The following AP4E1 variants were observed in gnomAD, a reference collection of about 807,000 sequenced individuals.
The protein encoded by AP4E1 is AP-4 complex subunit epsilon-1.
AP4E1 carries 56 observed loss-of-function variants against 128.2 expected under a neutral mutation model. That is an observed-to-expected ratio of 0.44 (90% CI 0.35 to 0.55). The LOEUF is 0.55. AP4E1 is among the 20% of genes least tolerant of loss of function. AP4E1 has a pLI of 0.00. For missense variants in AP4E1, 1,324 were observed against 1,307.7 expected (o/e 1.01, Z -0.19); for synonymous variants, 484 against 473.1 (o/e 1.02, Z -0.30).
intron 14 of AP4E1, among the ~76,000 whole-genome samples, chr15:50,962,991 C>CA (rs763837140): frequency 7.5e-6 from 1 of 132,614 alleles, no homozygotes; most frequent in African/African-American, 2.9e-5. Flanking sequence ...AACAGGTAAA[C>CA]AAAAAAATGC....
In AP4E1 at chr15:51,004,323, G is replaced by A. The variant is rs2064996781; in HGVS notation, c.*1661G>A. ...ATTCTGCTGTGACTCTGACAGAGAG[G>A]AAGTGCCTTCTCACTTTGCAAAGGA... On this transcript the variant is annotated 3_prime_UTR_variant, in exon 21 of 21. Coordinates refer to ENST00000261842, the MANE Select transcript of AP4E1 (RefSeq NM_007347.5). 6.6e-6 allele frequency: 1 copy of A among 152,204 alleles called. No individual in the cohort carries two copies. Among genetic ancestry groups the A allele is most frequent in the African/African-American group, 2.4e-5 (1 of 41,458 alleles). 9.4% of individuals were successfully genotyped at this position (152,204 alleles called of 1,614,324 possible).
chr15:50,987,131 AT>A (rs1388866268), intron 16 of AP4E1, among the ~76,000 whole-genome samples: 1 of 152,058 alleles, frequency 6.6e-6, no homozygotes, highest in East Asian at 1.9e-4. Flanking sequence ...GATAGTTTGT[AT>A]TTCTGTGGGA....
upstream of AP4E1, chr15:50,908,433 G>A (rs2141120249): frequency 9.6e-6 from 2 of 208,116 alleles, no homozygotes; most frequent in East Asian, 2.3e-4. Context: ...AGTGGGAAAG[G>A]GGGACTCTGG....
At chr15:50,963,277 A>AAAGG (rs1305106306) in intron 14 of AP4E1, among the ~76,000 whole-genome samples, 1 of 152,224 alleles carries the variant, frequency 6.6e-6, no homozygotes, top group African/African-American at 2.4e-5. Context: ...TCATTATTTC[A>AAAGG]AAGGTATACC....
Position 50,996,203 on chromosome 15 carries a change from G to T in AP4E1, c.2347-1123G>T, listed in dbSNP as rs369169760. ...AGTAGAGACGGGGTTTCACCATGTT[G>T]GCCAAGCTGGTCTTGAACTCCTGGC... On this transcript the variant is annotated intron_variant, in intron 17 of 20. Transcript: ENST00000261842. 9.2e-5 allele frequency among the ~76,000 whole-genome samples: 13 copies of T among 141,540 alleles called. No individual in the cohort carries two copies. The South Asian group carries it at 1.6e-3, about 18-fold the overall frequency. The allele number at this position is 141,540 out of a possible 152,430, so 92.9% of individuals were successfully genotyped here. A position where few individuals can be genotyped will look rare whatever the true frequency, so the allele number is the denominator to read the frequency against.
At chr15:50,974,724 A>G (rs1285279542) in intron 15 of AP4E1, among the ~76,000 whole-genome samples, 1 of 152,156 alleles carries the variant, frequency 6.6e-6, no homozygotes, top group Non-Finnish European at 1.5e-5. Flanking sequence ...TGACTGGTAC[A>G]AGGTGATGCC....
At chr15:50,988,747 C>A (rs1164844546) in intron 16 of AP4E1, among the ~76,000 whole-genome samples, 3 of 152,074 alleles carry the variant, frequency 2.0e-5, no homozygotes, top group African/African-American at 7.2e-5. Flanking sequence ...TGCTTTCACA[C>A]CGTTGTAAAG....
chr15:50,984,029 T>A lies in AP4E1; in HGVS notation c.1974T>A (p.Asn658Lys). 6.2e-7 allele frequency: 1 copy of A among 1,612,884 alleles called. No individual in the cohort carries two copies. The highest frequency in any genetic ancestry group is 2.2e-5 in the East Asian group (1 of 44,810). The change falls in exon 16 of 21, where the codon AAT (asparagine) becomes AAA (lysine). Residue 658 changes from asparagine (N) to lysine (K), a missense_variant. Physicochemically the swap from Asn to Lys is moderately conservative, Grantham distance 94. Coordinates refer to ENST00000261842, the MANE Select transcript of AP4E1 (RefSeq NM_007347.5). ...ATTATTTTAAAATTCTAGTTCTCAA[T>A]TTTGAACCATATGGACTCTCCTTTT... ...EEKLSQEKVLNFEPYGLSFSS... is the reference protein window; with the variant it reads ...EEKLSQEKVLKFEPYGLSFSS...
chr15:50,960,880 A>C (rs1424006503), intron 14 of AP4E1, among the ~76,000 whole-genome samples: 1 of 152,036 alleles, frequency 6.6e-6, no homozygotes, highest in Non-Finnish European at 1.5e-5. Flanking sequence ...ATAAACTGCT[A>C]GCTACACTAA....
chr15:50,910,847 G>A (rs1415168014), intron 1 of AP4E1, among the ~76,000 whole-genome samples: 1 of 152,184 alleles, frequency 6.6e-6, no homozygotes, highest in Non-Finnish European at 1.5e-5. Flanking sequence ...GTAGAGACAG[G>A]GTTTCGCCAT....
rs2141121083 is a variant in AP4E1 at position 50,908,928 on chromosome 15, C to T, written c.150C>T (p.His50=). The T allele has an allele frequency of 6.2e-7, 1 of 1,610,620 alleles. No homozygotes were observed. Among genetic ancestry groups the T allele is most frequent in the Non-Finnish European group, 8.5e-7 (1 of 1,179,410 alleles). The change falls in exon 1 of 21, where the codon CAC becomes CAT. Residue 50 remains histidine (H), a splice_region_variant and synonymous_variant. Coordinates refer to ENST00000261842, the MANE Select transcript of AP4E1 (RefSeq NM_007347.5). ...VRGITALTSK[H]EEEKLIQQEL... is the part of the protein sequence containing the mutation. ...GCATCACAGCCCTCACCTCCAAGCA[C>T]GTAGGTGCCCGCCGGCCCGGGAGCT...
intron 20 of AP4E1, among the ~76,000 whole-genome samples, chr15:51,001,901 C>A (rs1567269678): frequency 6.6e-6 from 1 of 151,578 alleles, no homozygotes. Flanking sequence ...TTTTTTGAGA[C>A]AGAGGCTCAC....
chr15:50,908,504 G>A (rs1162074265), upstream of AP4E1: 7 of 375,768 alleles, frequency 1.9e-5, no homozygotes, highest in Non-Finnish European at 2.8e-5. Flanking sequence ...CACGGTTCTG[G>A]GGGATTCCGG....
At chr15:50,977,693 T>C (rs2064570760) in intron 15 of AP4E1, among the ~76,000 whole-genome samples, 1 of 147,718 alleles carries the variant, frequency 6.8e-6, no homozygotes, top group African/African-American at 2.5e-5. Context: ...CTTTTAATTA[T>C]CAATCTGTTA....
intron 8 of AP4E1, among the ~76,000 whole-genome samples, chr15:50,938,118 A>G (rs1330524063): frequency 6.6e-6 from 1 of 152,118 alleles, no homozygotes; most frequent in Admixed American, 6.6e-5. Flanking sequence ...GTGGAGAACA[A>G]GTCAGGCTGG....
chr15:50,941,328 A>C, intron 8 of AP4E1, 114 bp from the exon 9 acceptor site: 1 of 1,207,370 alleles, frequency 8.3e-7, no homozygotes, highest in Non-Finnish European at 1.2e-6. Context: ...GTCCATAAAT[A>C]AGATTTCTGA....
At chr15:50,908,113 C>A (rs1238953194), upstream of AP4E1, among the ~76,000 whole-genome samples, 3 of 152,226 alleles carry the variant, frequency 2.0e-5, no homozygotes, top group African/African-American at 7.2e-5. Context: ...TCCCCAAATC[C>A]CAGGAGAAGA....
rs377644217 is a variant in AP4E1 at position 50,929,173 on chromosome 15, G to A, written c.702+5G>A. 5.0e-6 allele frequency: 8 copies of A among 1,613,266 alleles called. No homozygotes were observed. Among genetic ancestry groups the A allele is most frequent in the African/African-American group, 4.0e-5 (3 of 74,870 alleles). On this transcript the variant is annotated splice_donor_5th_base_variant and intron_variant, in intron 6 of 20. Coordinates refer to ENST00000261842, the MANE Select transcript of AP4E1 (RefSeq NM_007347.5). ...ATATATCTTAGAATGATTAAGGTAA[G>A]TTGGAAATTTTAGCAAGTACTGAGT...
chr15:50,914,903 TGA>T (rs1298297468), intron 2 of AP4E1, among the ~76,000 whole-genome samples: 1 of 152,098 alleles, frequency 6.6e-6, no homozygotes, highest in Non-Finnish European at 1.5e-5. Context: ...TTTATAATTG[TGA>T]GTTATTAAAA....
Sources: gnomAD v4.1 joint callset for allele counts (sites outside exome capture counted in the v4.1 genomes callset) on GRCh38, gnomAD v4.1.1 for gene constraint, MANE v1.5 for transcripts, NCBI Gene and HGNC (gene_info 2026-07-23, HGNC 2026-07-21) for gene names.